The following ZNF449 variants were observed in gnomAD, a reference collection of about 807,000 sequenced individuals.
ZNF449 encodes the protein zinc finger protein 449, also known as zinc finger and SCAN domain-containing protein 19.
In ZNF449, 4 loss-of-function variants were observed where a neutral mutation model predicts 32.6. The ratio of observed to expected loss-of-function variants is 0.12; its 90% CI spans 0.06 to 0.28. The LOEUF (loss-of-function observed/expected upper bound fraction) is 0.28, where lower values mean the gene tolerates loss of function less well. ZNF449 is among the 10% of genes least tolerant of loss of function. The pLI, the probability that ZNF449 is intolerant of heterozygous loss-of-function variation, is 1.00. For missense variants in ZNF449, 275 were observed against 383.2 expected (o/e 0.72, Z 2.36); for synonymous variants, 123 against 132.2 (o/e 0.93, Z 0.48).
At chrX:135,347,535 T>A in intron 2 of ZNF449, 63 bp downstream of exon 2, 1 of 1,193,990 alleles carries the variant, frequency 8.4e-7, no homozygotes, top group African/African-American at 1.7e-5. Context: ...CAGCTGGGAC[T>A]AGACCACACA....
At chrX:135,347,564 C>T (rs782232750) in intron 2 of ZNF449, 92 bp downstream of exon 2, 217 of 1,175,008 alleles carry the variant, frequency 1.8e-4, no homozygotes, top group Non-Finnish European at 2.3e-4. Flanking sequence ...TATGTCATTC[C>T]CCAGCCTCAA....
chrX:135,348,690 C>G, intron 2 of ZNF449: 187 of 925,574 alleles, frequency 2.0e-4, no homozygotes, highest in Non-Finnish European at 2.4e-4. Context: ...TTGGTGGTTG[C>G]CCTTCCTTTC....
chrX:135,349,857 G>A lies in ZNF449; in HGVS notation c.559+543G>A, dbSNP rs142153623. On this transcript the variant is annotated intron_variant, in intron 3 of 4. Transcript: ENST00000339249. ...GGTGCATGTTTAGCAAGCTCTGCAG[G>A]TGAGTGCTACACACACTAAAGTTTG... Among the ~76,000 whole-genome samples, 868 of 111,864 alleles carry A rather than the reference G, an allele frequency of 7.8e-3. 8 individuals carry two copies. Among genetic ancestry groups the A allele is most frequent in the African/African-American group, 0.027 (817 of 30,786 alleles).
intron 3 of ZNF449, among the ~76,000 whole-genome samples, chrX:135,349,781 C>T (rs1163905568): frequency 8.9e-6 from 1 of 112,099 alleles, no homozygotes; most frequent in Non-Finnish European, 1.9e-5. Flanking sequence ...AAACCTATTA[C>T]AGTGTTTTTC....
At chrX:135,348,522 A>T (rs2084864301) in intron 2 of ZNF449, 2 of 150,274 alleles carry the variant, frequency 1.3e-5, no homozygotes, top group Admixed American at 1.6e-4. Context: ...GCCGTGACTG[A>T]GAGAGGGCAG....
intron 3 of ZNF449, among the ~76,000 whole-genome samples, chrX:135,357,592 C>A (rs2084924603): frequency 9.0e-6 from 1 of 111,580 alleles, no homozygotes; most frequent in Non-Finnish European, 1.9e-5. Flanking sequence ...AAGTGTCCAA[C>A]TACTATTGTT....
chrX:135,362,978 A>G lies in ZNF449; in HGVS notation c.*1902A>G, dbSNP rs781878386. The G allele has an allele frequency of 6.2e-5, 7 of 112,129 alleles. No individual in the cohort carries two copies. The highest frequency in any genetic ancestry group is 2.8e-4 in the Admixed American group (3 of 10,602). The allele number at this position is 112,129 out of a possible 1,213,427, so 9.2% of individuals were successfully genotyped here. A position where few individuals can be genotyped will look rare whatever the true frequency, so the allele number is the denominator to read the frequency against. ...AATTGATATCCCAGTAGCAATAAAC[A>G]TATAATATAGGAGGAGTCTGAATGT... is the stretch of plus-strand genomic sequence containing the variant. On this transcript the variant is annotated 3_prime_UTR_variant, in exon 5 of 5. Transcript: ENST00000339249.
At chrX:135,349,949 G>A (rs191363170) in intron 3 of ZNF449, among the ~76,000 whole-genome samples, 18 of 111,019 alleles carry the variant, frequency 1.6e-4, no homozygotes, top group African/African-American at 5.9e-4. Flanking sequence ...GAGAAAGGCA[G>A]CACGATCACA....
Position 135,353,163 on chromosome X carries a change from G to T in ZNF449, c.559+3849G>T, listed in dbSNP as rs148626703. ...GGTTACCTAAGTATCTTTATGATGG[G>T]GCAGCAGGCTTCCCCCAGAGCAAAG... On this transcript the variant is annotated intron_variant, in intron 3 of 4. Transcript: ENST00000339249. Among the ~76,000 whole-genome samples, 423 of 110,410 alleles carry T rather than the reference G, an allele frequency of 3.8e-3. 5 individuals carry two copies. The highest frequency in any genetic ancestry group is 0.014 in the African/African-American group (411 of 30,373).
intron 3 of ZNF449, among the ~76,000 whole-genome samples, chrX:135,352,734 T>C (rs1285803388): frequency 8.0e-5 from 9 of 112,263 alleles, no homozygotes; most frequent in African/African-American, 2.9e-4. Flanking sequence ...CTTCAGATTA[T>C]TCTACTATAC....
In ZNF449 at chrX:135,360,413, A is replaced by G; in HGVS notation, c.894A>G (p.Thr298=). 8.3e-7 allele frequency: 1 copy of G among 1,211,236 alleles called. No individual in the cohort carries two copies. The change falls in exon 5 of 5, where the codon ACA becomes ACG. Residue 298 remains threonine (T), a synonymous_variant. Transcript: ENST00000339249. ...VDQQNPTLGE[T]PENSNLEEPL... Reference sequence around the variant, plus strand: ...AGCAGAACCCCACTCTGGGAGAGACACCTGAGAACTCCAACTTGGAAGAAC... The same window carrying G: ...AGCAGAACCCCACTCTGGGAGAGACGCCTGAGAACTCCAACTTGGAAGAAC...
intron 3 of ZNF449, among the ~76,000 whole-genome samples, chrX:135,358,186 A>G (rs1212248774): frequency 1.8e-5 from 2 of 111,291 alleles, no homozygotes; most frequent in East Asian, 5.6e-4. Flanking sequence ...TTGGTTTCAA[A>G]GTTATACTAA....
chrX:135,346,681 A>T (rs1394061165), intron 1 of ZNF449, among the ~76,000 whole-genome samples: 2 of 112,166 alleles, frequency 1.8e-5, no homozygotes, highest in Non-Finnish European at 3.8e-5. Context: ...TTTGAAATTT[A>T]GCTAATATTA....
At chrX:135,353,154 T>G (rs1012137699) in intron 3 of ZNF449, among the ~76,000 whole-genome samples, 1 of 110,989 alleles carries the variant, frequency 9.0e-6, no homozygotes, top group Non-Finnish European at 1.9e-5. Context: ...CTAAGTATCT[T>G]TATGATGGGG....
Position 135,360,667 on chromosome X carries a change from T to C in ZNF449, c.1148T>C (p.Val383Ala), listed in dbSNP as rs1255791963. The change falls in exon 5 of 5, where the codon GTA becomes GCA. Residue 383 changes from valine (V) to alanine (A), a missense_variant. By Grantham distance (64) the Val-to-Ala change is moderately conservative. Transcript: ENST00000339249. Reference sequence around the variant, plus strand: ...GGGGAGAGACCCTATGAATGCACTGTATGTAAAAAGCGATTCACTCGGCGG... The same window carrying C: ...GGGGAGAGACCCTATGAATGCACTGCATGTAAAAAGCGATTCACTCGGCGG... ...HTGERPYECT[V>A]CKKRFTRRSH... 8.3e-7 allele frequency: 1 copy of C among 1,209,447 alleles called. No homozygotes were observed. Among genetic ancestry groups the C allele is most frequent in the Non-Finnish European group, 1.1e-6 (1 of 895,010 alleles).
At chrX:135,350,043 G>A (rs1396738036) in intron 3 of ZNF449, among the ~76,000 whole-genome samples, 1 of 100,431 alleles carries the variant, frequency 1.0e-5, no homozygotes, top group Non-Finnish European at 2.0e-5. Context: ...GTCCTGCTCT[G>A]TCGCCCAGGC....
chrX:135,359,848 T>G, intron 3 of ZNF449, 44 bp from the exon 4 acceptor site: 1 of 978,662 alleles, frequency 1.0e-6, no homozygotes, highest in Non-Finnish European at 1.4e-6. Flanking sequence ...GGAAAAACCT[T>G]TGATGAGCCA....
intron 3 of ZNF449, among the ~76,000 whole-genome samples, chrX:135,358,462 A>G (rs1387663412): frequency 9.0e-6 from 1 of 111,650 alleles, no homozygotes; most frequent in Non-Finnish European, 1.9e-5. Context: ...TTGAATTACC[A>G]ACTGGAGTCA....
intron 3 of ZNF449, among the ~76,000 whole-genome samples, chrX:135,355,846 A>G (rs1429346958): frequency 2.7e-5 from 3 of 111,596 alleles, no homozygotes; most frequent in Non-Finnish European, 5.7e-5. Context: ...CTCCCACTCC[A>G]AAGCAACCAC....
Sources: allele counts gnomAD v4.1 joint callset (sites outside exome capture counted in the v4.1 genomes callset), GRCh38; gene constraint gnomAD v4.1.1; transcripts MANE v1.5; gene names NCBI Gene and HGNC (gene_info 2026-07-23, HGNC 2026-07-21).